Variants in ZC3H3 observed in about 807,000 individuals in gnomAD.
ZC3H3 encodes the protein zinc finger CCCH-type containing 3.
ZC3H3 carries 36 observed loss-of-function variants against 77.3 expected under a neutral mutation model. The observed-to-expected ratio is 0.47, with a 90% CI of 0.36 to 0.61. The LOEUF is 0.61. Ranked by LOEUF, ZC3H3 falls within the 20% of genes least tolerant of loss-of-function variation. The probability of loss-of-function intolerance (pLI) is 0.00; values close to 1 mark genes in which losing one functional copy is unlikely to be tolerated. For missense variants in ZC3H3, 1,331 were observed against 1,312.2 expected, an observed-to-expected ratio of 1.01 and a Z score of -0.22; for synonymous variants, 626 against 555.2, an observed-to-expected ratio of 1.13 and a Z score of -1.79.
At chr8:143,526,962 T>C (rs898352857) in intron 3 of ZC3H3, among the ~76,000 whole-genome samples, 1 of 152,102 alleles carries the variant, frequency 6.6e-6, no homozygotes, top group African/African-American at 2.4e-5. Context: ...CTGCTGGCCA[T>C]GCCTGAAGAT....
intron 4 of ZC3H3, among the ~76,000 whole-genome samples, chr8:143,491,697 G>T (rs1337187902): frequency 2.6e-5 from 4 of 152,226 alleles, no homozygotes; most frequent in Non-Finnish European, 5.9e-5. Flanking sequence ...AGCAGGCCAT[G>T]CTCTCACAGC....
At chr8:143,528,700 G>C (rs147170489) in intron 3 of ZC3H3, among the ~76,000 whole-genome samples, 1 of 152,224 alleles carries the variant, frequency 6.6e-6, no homozygotes, top group African/African-American at 2.4e-5. Flanking sequence ...CTCCTGGTGG[G>C]CAGCCCTCTG....
At chr8:143,523,283 T>G (rs561994161) in intron 3 of ZC3H3, 1 of 981,024 alleles carries the variant, frequency 1.0e-6, no homozygotes, top group East Asian at 1.1e-4. Context: ...CCAGGGGCTA[T>G]AGCAAAGACA....
At chr8:143,507,518 G>A (rs771359637) in intron 4 of ZC3H3, among the ~76,000 whole-genome samples, 12 of 152,284 alleles carry the variant, frequency 7.9e-5, no homozygotes, top group East Asian at 1.9e-4. Context: ...ATGTGTGTCC[G>A]TCCGTCTTCA....
chr8:143,511,058 T>C (rs565150228), intron 3 of ZC3H3, among the ~76,000 whole-genome samples: 107 of 152,350 alleles, frequency 7.0e-4, no homozygotes, highest in Admixed American at 1.6e-3. Flanking sequence ...GCTGGCATCA[T>C]ATGTGAATGA....
chr8:143,467,797 C>T (rs1820452129), intron 8 of ZC3H3, among the ~76,000 whole-genome samples: 1 of 10,908 alleles, frequency 9.2e-5, no homozygotes, highest in Non-Finnish European at 2.5e-4. Context: ...CAGGCAGCCT[C>T]TCCACCCAGC....
chr8:143,539,815 T>C (rs894618461), intron 1 of ZC3H3, among the ~76,000 whole-genome samples: 3 of 152,204 alleles, frequency 2.0e-5, no homozygotes, highest in African/African-American at 7.2e-5. Context: ...GAAAAAAGAA[T>C]ACTAGGAGCA....
chr8:143,473,188 C>T (rs911444733), intron 5 of ZC3H3, among the ~76,000 whole-genome samples: 16 of 152,112 alleles, frequency 1.1e-4, no homozygotes, highest in African/African-American at 2.9e-4. Flanking sequence ...AGGTAGACCC[C>T]GCCTGCCCCC....
chr8:143,541,033 C>CGAAATG (rs1266277013), intron 1 of ZC3H3, among the ~76,000 whole-genome samples: 1 of 152,256 alleles, frequency 6.6e-6, no homozygotes, highest in Non-Finnish European at 1.5e-5. Context: ...GAACTAGTCC[C>CGAAATG]AGCCCCGCAG....
At chr8:143,469,919 CAG>C (rs1424117172) in intron 5 of ZC3H3, among the ~76,000 whole-genome samples, 1 of 152,214 alleles carries the variant, frequency 6.6e-6, no homozygotes, top group Non-Finnish European at 1.5e-5. Flanking sequence ...TGACATCACT[CAG>C]AAATTCTGGG....
Position 143,462,188 on chromosome 8 carries a change from GC to G in ZC3H3, c.2307+3528del, listed in dbSNP as rs1450034522. 6.6e-6 allele frequency among the ~76,000 whole-genome samples: 1 copy of G among 152,066 alleles called. No individual in the cohort carries two copies. The highest frequency in any genetic ancestry group is 1.5e-5 in the Non-Finnish European group (1 of 67,990). ...GCCCACTGTGGCCCCCTGAAGAGTC[GC>G]CACGACCCTCTGAGATAGGCAGTGC... On this transcript the variant is annotated intron_variant, in intron 9 of 11. Transcript: ENST00000262577. The surrounding 1 kb of genome is among the most constrained non-coding windows in gnomAD (Gnocchi z 4.7).
At chr8:143,504,581 T>C (rs897564301) in intron 4 of ZC3H3, among the ~76,000 whole-genome samples, 1 of 152,108 alleles carries the variant, frequency 6.6e-6, no homozygotes, top group Non-Finnish European at 1.5e-5. Context: ...ACCCTACCCA[T>C]TTCGCATGGT....
intron 9 of ZC3H3, among the ~76,000 whole-genome samples, chr8:143,456,225 CA>C (rs1820118944): frequency 6.6e-6 from 1 of 151,612 alleles, no homozygotes; most frequent in Non-Finnish European, 1.5e-5. Context: ...CATAGGAAGG[CA>C]GGGGGAAGAA....
At chr8:143,506,882 C>T (rs913917842) in intron 4 of ZC3H3, among the ~76,000 whole-genome samples, 3 of 152,240 alleles carry the variant, frequency 2.0e-5, no homozygotes, top group Non-Finnish European at 2.9e-5. Context: ...CAGGCAGCTA[C>T]GGTCCGGTGG....
intron 3 of ZC3H3, 54 bp from the exon 4 acceptor site, chr8:143,507,953 G>C: frequency 1.3e-6 from 2 of 1,490,408 alleles, no homozygotes; most frequent in East Asian, 2.5e-5. Context: ...GGCAAGGGTA[G>C]GGTCAGAGAG....
intron 4 of ZC3H3, among the ~76,000 whole-genome samples, chr8:143,492,746 CG>C (rs1821244265): frequency 7.0e-6 from 1 of 142,960 alleles, no homozygotes; most frequent in Non-Finnish European, 1.5e-5. Context: ...CTCAGGCTCC[CG>C]TGTCCTGGCC....
chr8:143,459,836 A>G (rs1820211766), intron 9 of ZC3H3, among the ~76,000 whole-genome samples: 1 of 152,220 alleles, frequency 6.6e-6, no homozygotes. Context: ...AACTCTATAC[A>G]TAAAAGCCCA....
At chr8:143,461,154 T>G (rs1820251725) in intron 9 of ZC3H3, among the ~76,000 whole-genome samples, 1 of 152,156 alleles carries the variant, frequency 6.6e-6, no homozygotes, top group South Asian at 2.1e-4. Context: ...CAAAAACTAT[T>G]GAATTGTACA....
chr8:143,515,062 C>T (rs1191921418), intron 3 of ZC3H3, among the ~76,000 whole-genome samples: 6 of 152,228 alleles, frequency 3.9e-5, no homozygotes, highest in African/African-American at 1.4e-4. Context: ...ATGCCTTGCA[C>T]CCACCGTCTG....
Sources: gnomAD v4.1 joint callset for allele counts (sites outside exome capture counted in the v4.1 genomes callset) on GRCh38, gnomAD v4.1.1 for gene constraint, Gnocchi (gnomAD v3.1) non-coding constraint, MANE v1.5 for transcripts, NCBI Gene and HGNC (gene_info 2026-07-23, HGNC 2026-07-21) for gene names.